TTN: variants seen among roughly 807,000 people sequenced by gnomAD.
TTN encodes connectin.
TTN carries 1,525 observed loss-of-function variants against 3,223.0 expected under a neutral mutation model. The observed-to-expected ratio is 0.47, with a 90% CI of 0.45 to 0.49. TTN has a LOEUF of 0.49. Ranked by LOEUF, TTN falls within the 20% of genes least tolerant of loss-of-function variation. The pLI, the probability that TTN is intolerant of heterozygous loss-of-function variation, is 0.00. For synonymous variants in TTN, 14,094 were observed against 15,161.0 expected (o/e 0.93, Z 5.17); for missense variants, 40,786 against 43,424.0 (o/e 0.94, Z 5.40).
Position 178,679,929 on chromosome 2 carries a change from G to C in TTN, c.33545C>G (p.Thr11182Ser), listed in dbSNP as rs777012116. The C allele has an allele frequency of 1.2e-6, 2 of 1,613,112 alleles. No homozygotes were observed. The highest frequency in any genetic ancestry group is 2.2e-5 in the South Asian group (2 of 91,038). The change falls in exon 140 of 363, where the codon ACT becomes AGT. Residue 11182 changes from threonine (T) to serine (S), a missense_variant. Thr to Ser is a moderately conservative substitution (Grantham distance 58). Transcript: ENST00000589042. ...EYIHEEEEFITEEEVVPVIPV... is the reference protein window; with the variant it reads ...EYIHEEEEFISEEEVVPVIPV... ...TATCACTGGCACCACTTCTTCCTCAGTTATGAACTCCTCTTCTTCATGAAT... is the reference window on the plus strand; with the variant it reads ...TATCACTGGCACCACTTCTTCCTCACTTATGAACTCCTCTTCTTCATGAAT...
In TTN at chr2:178,537,433, A is replaced by G. The variant is rs758792040; in HGVS notation, c.99774T>C (p.Asn33258=). The change falls in exon 355 of 363, where the codon AAT becomes AAC. Residue 33258 remains asparagine (N), a synonymous_variant. Coordinates refer to ENST00000589042, the MANE Select transcript of TTN (RefSeq NM_001267550.2). ...TCCCAGCATGAGTCTTACGTTGGAC[A>G]TTCTTCATGACAAGATGAGTATAGT... ...TEHYTHLVMK[N]VQRKTHAGKY... is the part of the protein sequence containing the mutation. 8 of 1,612,930 alleles carry G rather than the reference A, an allele frequency of 5.0e-6. No individual in the cohort carries two copies. In the East Asian group the frequency reaches 1.6e-4, roughly 31 times the overall value.
Position 178,592,541 on chromosome 2 carries a change from T to C in TTN, c.59464A>G (p.Lys19822Glu). The C allele has an allele frequency of 6.2e-7, 1 of 1,613,518 alleles. No individual in the cohort carries two copies. Among genetic ancestry groups the C allele is most frequent in the Non-Finnish European group, 8.5e-7 (1 of 1,179,596 alleles). Residue 19822 changes from lysine (K) to glutamate (E), a missense_variant, in exon 301 of 363, where the codon AAA becomes GAA. Lys to Glu is a moderately conservative substitution (Grantham distance 56). Transcript: ENST00000589042. ...GVPFPKVTWK[K>E]EDRDAPTKAR... ...TTAGTTGGAGCATCTCTGTCTTCTT[T>C]TTTCCAAGTTACTTTTGGGAATGGC...
In TTN at chr2:178,602,547, C is replaced by T. The variant is rs200410212; in HGVS notation, c.54855G>A (p.Thr18285=). Residue 18285 remains threonine, a synonymous_variant, in exon 283 of 363, where the codon ACG becomes ACA. Coordinates refer to ENST00000589042, the MANE Select transcript of TTN (RefSeq NM_001267550.2). ...PPSCPEVKDK[T]KSSISLGWKP... The stretch of plus-strand genomic sequence containing the variant: ...TCCATCCTAGTGAGATGCTTGACTT[C>T]GTTTTATCTTTAACTTCTGGGCAAG... The T allele has an allele frequency of 7.7e-5, 122 of 1,584,132 alleles. 1 individual carries two copies. Among genetic ancestry groups the T allele is most frequent in the South Asian group, 9.2e-5 (8 of 86,544 alleles).
Position 178,547,413 on chromosome 2 carries a change from G to C in TTN, c.94213C>G (p.Pro31405Ala). 1 of 1,596,294 alleles carries C rather than the reference G, an allele frequency of 6.3e-7. No homozygotes were observed. Among genetic ancestry groups the C allele is most frequent in the Non-Finnish European group, 8.6e-7 (1 of 1,169,468 alleles). ...GGATTTTTATTTTTCTTACCAAATG[G>C]ATGTTCAGCAATTATTGGTGCTGAT... The part of the protein sequence containing the change: ...LESAPIIAEH[P>A]FVPPSAPTRP... Residue 31405 changes from proline to alanine, a missense_variant, in exon 339 of 363, where the codon CCA becomes GCA. Pro to Ala is a conservative substitution (Grantham distance 27). Transcript: ENST00000589042.
intron 46 of TTN, among the ~76,000 whole-genome samples, chr2:178,755,535 A>T (rs1377048131): frequency 1.3e-5 from 2 of 152,162 alleles, no homozygotes; most frequent in Non-Finnish European, 2.9e-5. Flanking sequence ...TCCTGGGTTC[A>T]AGCGATTCTC....
At chr2:178,762,658 T>C (rs2089513538) in intron 43 of TTN, among the ~76,000 whole-genome samples, 1 of 152,234 alleles carries the variant, frequency 6.6e-6, no homozygotes, top group African/African-American at 2.4e-5. Flanking sequence ...TTTTAAAATA[T>C]ATTTTGTATT....
In TTN at chr2:178,719,405, A is replaced by G; in HGVS notation, c.23985T>C (p.Asn7995=). The part of the protein sequence containing the change: ...PSFIRKLKDV[N]AILGASVVLE... ...AAACAACTGAGGCCCCCAGGATGGC[A>G]TTCACGTCTTTCAGCTTGCGGATGA... is the stretch of plus-strand genomic sequence containing the variant. Residue 7995 remains asparagine (N), a synonymous_variant, in exon 83 of 363, where the codon AAT becomes AAC. Coordinates refer to ENST00000589042, the MANE Select transcript of TTN (RefSeq NM_001267550.2). The G allele has an allele frequency of 6.2e-7, 1 of 1,613,422 alleles. No homozygotes were observed. Among genetic ancestry groups the G allele is most frequent in the Non-Finnish European group, 8.5e-7 (1 of 1,179,478 alleles).
Position 178,550,999 on chromosome 2 carries a change from G to T in TTN, c.91532C>A (p.Ser30511Tyr). The change falls in exon 336 of 363, where the codon TCT becomes TAT. Residue 30511 changes from serine (S) to tyrosine (Y), a missense_variant. Coordinates refer to ENST00000589042, the MANE Select transcript of TTN (RefSeq NM_001267550.2). ...AVGTISPPSQSSGIIMTRDEN... is the reference protein window; with the variant it reads ...AVGTISPPSQYSGIIMTRDEN... ...ATCTCTTGTCATAATAATGCCAGAA[G>T]ACTGTGAGGGCGGGCTTATAGTTCC... is the stretch of plus-strand genomic sequence containing the variant. 2 of 1,613,220 alleles carry T rather than the reference G, an allele frequency of 1.2e-6. No individual in the cohort carries two copies. Among genetic ancestry groups the T allele is most frequent in the Non-Finnish European group, 1.7e-6 (2 of 1,179,542 alleles).
Position 178,542,351 on chromosome 2 carries a change from C to T in TTN, c.97405G>A (p.Glu32469Lys), listed in dbSNP as rs1280768790. ...GTTGCAGCCACACGGAACACATACT[C>T]ATTTCCTTCGGTGAGTCTGGTAAAC... ...FKFTRLTEGN[E>K]YVFRVAATNR... Residue 32469 changes from glutamate (E) to lysine (K), a missense_variant, in exon 349 of 363, where the codon GAG (glutamate) becomes AAG (lysine). By Grantham distance (56) the Glu-to-Lys change is moderately conservative. Coordinates refer to ENST00000589042, the MANE Select transcript of TTN (RefSeq NM_001267550.2). 3.7e-6 allele frequency: 6 copies of T among 1,613,360 alleles called. No homozygotes were observed. The highest frequency in any genetic ancestry group is 2.7e-5 in the African/African-American group (2 of 74,896).
Position 178,580,200 on chromosome 2 carries a change from C to T in TTN, c.67087G>A (p.Val22363Ile), listed in dbSNP as rs1484693236. The T allele has an allele frequency of 6.2e-7, 1 of 1,613,008 alleles. No individual in the cohort carries two copies. The highest frequency in any genetic ancestry group is 1.1e-5 in the South Asian group (1 of 91,008). ...DTPGPPVNVTVKEISKDSAYV... is the reference protein window; with the variant it reads ...DTPGPPVNVTIKEISKDSAYV... The stretch of plus-strand genomic sequence containing the variant: ...GCAGAGTCTTTGGATATTTCCTTAA[C>T]AGTCACATTGACAGGTGGCCCAGGA... Residue 22363 changes from valine to isoleucine, a missense_variant, in exon 318 of 363, where the codon GTT becomes ATT. Physicochemically the swap from Val to Ile is conservative, Grantham distance 29. Coordinates refer to ENST00000589042, the MANE Select transcript of TTN (RefSeq NM_001267550.2).
rs553888905 is a variant in TTN, at chr2:178,612,485, C to T, written c.50040G>A (p.Gly16680=). ...CCACAATGTAGTTGGTGATGGGGGA[C>T]CCTCCATCTTTCTCAGGAACTGTCC... The part of the protein sequence containing the change: ...LKWTVPEKDG[G]SPITNYIVEK... Residue 16680 remains glycine, a synonymous_variant, in exon 266 of 363, where the codon GGG becomes GGA. Transcript: ENST00000589042. The T allele has an allele frequency of 1.9e-6, 3 of 1,612,076 alleles. No homozygotes were observed. The highest frequency in any genetic ancestry group is 1.7e-6 in the Non-Finnish European group (2 of 1,179,120).
chr2:178,756,882 TG>T, intron 45 of TTN, 85 bp from the exon 46 acceptor site: 1 of 1,247,960 alleles, frequency 8.0e-7, no homozygotes, highest in African/African-American at 1.5e-5. Flanking sequence ...CAAAATGGCA[TG>T]GAAGATGAAG....
chr2:178,726,026 A>G lies in TTN; in HGVS notation c.20296T>C (p.Phe6766Leu). Residue 6766 changes from phenylalanine (F) to leucine (L), a missense_variant, in exon 70 of 363, where the codon TTC becomes CTC. Physicochemically the swap from Phe to Leu is conservative, Grantham distance 22. Coordinates refer to ENST00000589042, the MANE Select transcript of TTN (RefSeq NM_001267550.2). ...TTAAGGGTTTCTACTATAGGAGGGA[A>G]GCTGCTAAAAACAGGTGGCTCTGCA... ...IVKEPPVFSSFPPIVETLKNA... is the reference protein window; with the variant it reads ...IVKEPPVFSSLPPIVETLKNA... The G allele has an allele frequency of 6.5e-7, 1 of 1,538,108 alleles. No individual in the cohort carries two copies. The highest frequency in any genetic ancestry group is 8.8e-7 in the Non-Finnish European group (1 of 1,140,658).
rs56142888 is a variant in TTN at position 178,773,134 on chromosome 2, C to G, written c.7830G>C (p.Met2610Ile). The G allele has an allele frequency of 0.052, 84,592 of 1,613,764 alleles. 3,776 individuals are homozygous for G. Among genetic ancestry groups the G allele is most frequent in the Admixed American group, 0.2 (12,274 of 59,952 alleles). ...CTGCCACAGTAAGTTTTCCAGATGT[C>G]ATATTTTCTCCCGCGTAAAATGTGT... Reference protein sequence around the residue: ...GKYTFYAGENMTSGKLTVAGG... With the variant: ...GKYTFYAGENITSGKLTVAGG... Residue 2610 changes from methionine to isoleucine, a missense_variant, in exon 33 of 363, where the codon ATG becomes ATC. Met to Ile is a conservative substitution (Grantham distance 10). Coordinates refer to ENST00000589042, the MANE Select transcript of TTN (RefSeq NM_001267550.2).
At position 178,611,061 on chromosome 2, in the gene TTN, C is replaced by A. The variant is rs2056219937; in HGVS notation, c.51068G>T (p.Gly17023Val). 1.9e-6 allele frequency: 3 copies of A among 1,612,756 alleles called. No individual in the cohort carries two copies. The highest frequency in any genetic ancestry group is 1.1e-5 in the South Asian group (1 of 91,028). The change falls in exon 270 of 363, where the codon GGA (glycine) becomes GTA (valine). Residue 17023 changes from glycine (G) to valine (V), a missense_variant. Transcript: ENST00000589042. ...ATTCTCCAGTGTAATGGTATAAATT[C>A]CGGCATCTGCACGGACACTCTTGGG... The part of the protein sequence containing the change: ...EVPKSVRADA[G>V]IYTITLENKL...
rs769392594 is a variant in TTN at position 178,608,256 on chromosome 2, T to G, written c.52627A>C (p.Arg17543=). ...GLLEGLTYVF[R]VCAENAAGPG... The stretch of plus-strand genomic sequence containing the variant: ...CCAGCTGCATTTTCAGCACATACTC[T>G]GAAGACATAGGTGAGTCCTTCTAAT... Residue 17543 remains arginine (R), a synonymous_variant, in exon 275 of 363, where the codon AGA becomes CGA. Transcript: ENST00000589042. The G allele has an allele frequency of 6.2e-7, 1 of 1,611,088 alleles. No individual in the cohort carries two copies. Among genetic ancestry groups the G allele is most frequent in the Non-Finnish European group, 8.5e-7 (1 of 1,178,544 alleles).
At chr2:178,651,618 A>G (rs1226170659) in intron 206 of TTN, 48 bp downstream of exon 206, 1 of 1,612,024 alleles carries the variant, frequency 6.2e-7, no homozygotes, top group Non-Finnish European at 8.5e-7. Context: ...AGAATATGAC[A>G]CTTCAAAGAA....
chr2:178,722,371 A>G lies in TTN; in HGVS notation c.22416T>C (p.Asn7472=), dbSNP rs1351798766. The change falls in exon 77 of 363, where the codon AAT becomes AAC. Residue 7472 remains asparagine (N), a synonymous_variant. Transcript: ENST00000589042. ...DENLQTSFVD[N]VATLKILQTD... Reference sequence around the variant, plus strand: ...TTTGCAAAATTTTTAAAGTTGCCACATTATCTACAAATGAAGTCTGTAGAT... The same window carrying G: ...TTTGCAAAATTTTTAAAGTTGCCACGTTATCTACAAATGAAGTCTGTAGAT... The G allele has an allele frequency of 6.2e-7, 1 of 1,613,308 alleles. No homozygotes were observed. Among genetic ancestry groups the G allele is most frequent in the Non-Finnish European group, 8.5e-7 (1 of 1,179,580 alleles).
In TTN at chr2:178,730,329, T is replaced by C. The variant is rs759852969; in HGVS notation, c.18071A>G (p.Asn6024Ser). Residue 6024 changes from asparagine (N) to serine (S), a missense_variant, in exon 62 of 363, where the codon AAT becomes AGT. Coordinates refer to ENST00000589042, the MANE Select transcript of TTN (RefSeq NM_001267550.2). ...FVEKPQSQDV[N>S]PNTRVQLKAL... ...CTTTAACTGTACCCTTGTGTTGGGATTGACATCTTGTGACTGTGGCTTTTC... is the reference window on the plus strand; with the variant it reads ...CTTTAACTGTACCCTTGTGTTGGGACTGACATCTTGTGACTGTGGCTTTTC... 59 of 1,610,390 alleles carry C rather than the reference T, an allele frequency of 3.7e-5. No homozygotes were observed. Among genetic ancestry groups the C allele is most frequent in the South Asian group, 2.1e-4 (19 of 90,488 alleles).
Sources: gnomAD v4.1 joint callset for allele counts (sites outside exome capture counted in the v4.1 genomes callset) on GRCh38, gnomAD v4.1.1 for gene constraint, MANE v1.5 for transcripts, NCBI Gene and HGNC (gene_info 2026-07-23, HGNC 2026-07-21) for gene names.